EXOC6B: variants seen among roughly 807,000 people sequenced by gnomAD.
EXOC6B encodes the protein SEC15 homolog B.
EXOC6B carries 54 observed loss-of-function variants against 113.5 expected under a neutral mutation model. The ratio of observed to expected loss-of-function variants is 0.48; its 90% CI spans 0.38 to 0.60. The LOEUF (loss-of-function observed/expected upper bound fraction) is 0.60. EXOC6B is among the 20% of genes least tolerant of loss of function. EXOC6B has a pLI of 0.00. For synonymous variants in EXOC6B, 357 were observed against 339.0 expected (o/e 1.05, Z -0.58); for missense variants, 797 against 977.5 (o/e 0.82, Z 2.46).
intron 19 of EXOC6B, among the ~76,000 whole-genome samples, chr2:72,336,944 T>C (rs994021175): frequency 6.6e-6 from 1 of 150,854 alleles, no homozygotes; most frequent in Non-Finnish European, 1.5e-5. Context: ...GAGGTGGAGG[T>C]TGCAGTGAGC....
chr2:72,405,479 G>C (rs1412404957), intron 18 of EXOC6B, among the ~76,000 whole-genome samples: 1 of 152,188 alleles, frequency 6.6e-6, no homozygotes, highest in Admixed American at 6.5e-5. Context: ...ACAAAGGGAA[G>C]CCCATCAGAC....
intron 5 of EXOC6B, chr2:72,722,132 C>A (rs1170300142): frequency 1.3e-5 from 2 of 151,466 alleles, no homozygotes; most frequent in East Asian, 1.9e-4. Flanking sequence ...CACACACACA[C>A]AAAAGTAGAG....
intron 6 of EXOC6B, among the ~76,000 whole-genome samples, chr2:72,576,640 T>C (rs889166884): frequency 1.1e-4 from 17 of 151,926 alleles, no homozygotes; most frequent in African/African-American, 3.9e-4. Context: ...CAAAAATGAG[T>C]TGTGGTCAAA....
intron 19 of EXOC6B, among the ~76,000 whole-genome samples, chr2:72,368,732 T>G (rs903060995): frequency 6.6e-6 from 1 of 152,066 alleles, no homozygotes; most frequent in African/African-American, 2.4e-5. Context: ...ATAAACATAA[T>G]CCAGCATATA....
At chr2:72,593,828 C>T (rs1573454291) in intron 6 of EXOC6B, among the ~76,000 whole-genome samples, 1 of 152,108 alleles carries the variant, frequency 6.6e-6, no homozygotes, top group Non-Finnish European at 1.5e-5. Context: ...AGGATGTAAA[C>T]TACTAAAGCT....
At chr2:72,615,311 T>G (rs1671316903) in intron 6 of EXOC6B, among the ~76,000 whole-genome samples, 1 of 152,112 alleles carries the variant, frequency 6.6e-6, no homozygotes, top group East Asian at 1.9e-4. Context: ...AGGTCATGAA[T>G]CTTACATTAC....
Position 72,368,664 on chromosome 2 carries a change from C to T in EXOC6B, c.2122+11065G>A, listed in dbSNP as rs184913181. Among the ~76,000 whole-genome samples the T allele has an allele frequency of 6.6e-5, 10 of 152,326 alleles. No homozygotes were observed. In the East Asian group the frequency reaches 1.9e-3, roughly 29 times the overall value. Reference sequence around the variant, plus strand: ...AGCAGCACATCAAAAAGCTTATCTACCACAATCAAGTGGGCTTCATCCCTG... The same window carrying T: ...AGCAGCACATCAAAAAGCTTATCTATCACAATCAAGTGGGCTTCATCCCTG... On this transcript the variant is annotated intron_variant, in intron 19 of 21. Coordinates refer to ENST00000272427, the MANE Select transcript of EXOC6B (RefSeq NM_015189.3).
At position 72,322,195 on chromosome 2, in the gene EXOC6B, T is replaced by C. The variant is rs570875052; in HGVS notation, c.2196+12752A>G. 1.3e-4 allele frequency among the ~76,000 whole-genome samples: 20 copies of C among 152,198 alleles called. No individual in the cohort carries two copies. The South Asian group carries it at 4.2e-3, about 32-fold the overall frequency. On this transcript the variant is annotated intron_variant, in intron 20 of 21. Transcript: ENST00000272427. ...AATGTTCATAAATGTCAAAGGTGAA[T>C]GGATAATTATGATATATCCATGTGA...
chr2:72,368,321 T>C (rs1690766755), intron 19 of EXOC6B, among the ~76,000 whole-genome samples: 1 of 152,048 alleles, frequency 6.6e-6, no homozygotes, highest in Non-Finnish European at 1.5e-5. Context: ...CAGGAAGAAG[T>C]TGAATCTCTG....
chr2:72,559,318 T>A, intron 8 of EXOC6B, 135 bp downstream of exon 8: 1 of 514,062 alleles, frequency 1.9e-6, no homozygotes, highest in South Asian at 7.5e-5. Flanking sequence ...TTTTTTATAA[T>A]TAACAGTCCT....
intron 6 of EXOC6B, among the ~76,000 whole-genome samples, chr2:72,679,876 A>G: frequency 6.6e-6 from 1 of 152,248 alleles, no homozygotes; most frequent in Non-Finnish European, 1.5e-5. Context: ...TTAAGAGCAC[A>G]GACTCTGAAC....
At chr2:72,319,388 G>T (rs1687720210) in intron 20 of EXOC6B, among the ~76,000 whole-genome samples, 1 of 152,048 alleles carries the variant, frequency 6.6e-6, no homozygotes, top group Non-Finnish European at 1.5e-5. Context: ...CCTTGTACTG[G>T]AGTTCCTAGT....
At chr2:72,233,930 G>A (rs1451285166) in intron 20 of EXOC6B, among the ~76,000 whole-genome samples, 3 of 151,734 alleles carry the variant, frequency 2.0e-5, no homozygotes, top group Non-Finnish European at 4.4e-5. Flanking sequence ...CTCAGCTGGA[G>A]GCTGTGGCCT....
chr2:72,510,014 A>G (rs1700808322), intron 11 of EXOC6B, among the ~76,000 whole-genome samples: 1 of 152,038 alleles, frequency 6.6e-6, no homozygotes, highest in Non-Finnish European at 1.5e-5. Flanking sequence ...TTGTGTTTTT[A>G]GTAGAGACGG....
chr2:72,384,352 T>A (rs534126631), intron 18 of EXOC6B, among the ~76,000 whole-genome samples: 1 of 152,054 alleles, frequency 6.6e-6, no homozygotes, highest in South Asian at 2.1e-4. Flanking sequence ...GAATTAGGTA[T>A]AGAAGGAATG....
intron 7 of EXOC6B, among the ~76,000 whole-genome samples, chr2:72,567,434 A>G (rs563940376): frequency 6.6e-6 from 1 of 152,204 alleles, no homozygotes; most frequent in Non-Finnish European, 1.5e-5. Flanking sequence ...ATTTGCAAAT[A>G]CAAATACAGA....
intron 20 of EXOC6B, among the ~76,000 whole-genome samples, chr2:72,289,697 T>C (rs1248289561): frequency 6.6e-6 from 1 of 152,210 alleles, no homozygotes; most frequent in African/African-American, 2.4e-5. Context: ...TGTGAGGGTA[T>C]TTCTAGATGA....
intron 19 of EXOC6B, among the ~76,000 whole-genome samples, chr2:72,337,581 CTT>C (rs1688764278): frequency 1.3e-5 from 2 of 152,096 alleles, no homozygotes; most frequent in Admixed American, 6.6e-5. Flanking sequence ...TTCGGAGTCA[CTT>C]TATGGACCTC....
At chr2:72,207,865 C>T (rs1440619017) in intron 20 of EXOC6B, among the ~76,000 whole-genome samples, 1 of 152,106 alleles carries the variant, frequency 6.6e-6, no homozygotes, top group Non-Finnish European at 1.5e-5. Flanking sequence ...ATAATAAAAA[C>T]AAGTTGAAAA....
Sources: allele counts gnomAD v4.1 joint callset (sites outside exome capture counted in the v4.1 genomes callset), GRCh38; gene constraint gnomAD v4.1.1; transcripts MANE v1.5; gene names NCBI Gene and HGNC (gene_info 2026-07-23, HGNC 2026-07-21).